The following SNAPC4 variants were observed in gnomAD, a reference collection of about 807,000 sequenced individuals.
SNAPC4 encodes the protein snRNA-activating protein complex subunit 4.
In SNAPC4, 127 loss-of-function variants were observed where a neutral mutation model predicts 151.3. That is an observed-to-expected ratio of 0.84 (90% CI 0.73 to 0.97). SNAPC4 has a LOEUF of 0.97. Ranked by LOEUF, SNAPC4 falls within the 50% of genes least tolerant of loss-of-function variation. The probability of loss-of-function intolerance (pLI) is 0.00; values close to 1 mark genes in which losing one functional copy is unlikely to be tolerated. For synonymous variants in SNAPC4, 1,002 were observed against 824.4 expected, an observed-to-expected ratio of 1.22 and a Z score of -3.69; for missense variants, 2,186 against 1,935.0, an observed-to-expected ratio of 1.13 and a Z score of -2.43.
At chr9:136,395,548 G>C in intron 4 of SNAPC4, 55 bp downstream of exon 4, 5 of 1,569,690 alleles carry the variant, frequency 3.2e-6, no homozygotes, top group South Asian at 2.3e-5. Flanking sequence ...GCCCAGCTGT[G>C]GGGGGCTCTG....
In SNAPC4 at chr9:136,380,830, G is replaced by A. The variant is rs754212446; in HGVS notation, c.2409C>T (p.Ala803=). 45 of 1,609,522 alleles carry A rather than the reference G, an allele frequency of 2.8e-5. No individual in the cohort carries two copies. Among genetic ancestry groups the A allele is most frequent in the African/African-American group, 2.5e-4 (19 of 74,860 alleles). Reference sequence around the variant, plus strand: ...TCTCTCGGACGACCTCCAAGCAGCCGGCAGTATCGATGTGGAACAGCTGCG... The same window carrying A: ...TCTCTCGGACGACCTCCAAGCAGCCAGCAGTATCGATGTGGAACAGCTGCG... The part of the protein sequence containing the change: ...LFTQLFHIDT[A]GCLEVVRERK... Residue 803 remains alanine (A), a synonymous_variant, in exon 20 of 24, where the codon GCC becomes GCT. Transcript: ENST00000684778.
At position 136,398,340 on chromosome 9, in the gene SNAPC4, A is replaced by G; in HGVS notation, c.89T>C (p.Val30Ala). The G allele has an allele frequency of 1.2e-6, 2 of 1,613,892 alleles. No homozygotes were observed. Among genetic ancestry groups the G allele is most frequent in the Non-Finnish European group, 1.7e-6 (2 of 1,179,880 alleles). The change falls in exon 2 of 24, where the codon GTG becomes GCG. Residue 30 changes from valine to alanine, a missense_variant. Coordinates refer to ENST00000684778, the MANE Select transcript of SNAPC4 (RefSeq NM_003086.4). Reference protein sequence around the residue: ...ILDPGSSGSHVEISESSLESD... With the variant: ...ILDPGSSGSHAEISESSLESD... ...CTCGAGACTTGATTCTGAGATCTCC[A>G]CGTGGGAGCCCGAGGAGCCGGGATC...
rs192986776 is a variant in SNAPC4, at chr9:136,396,991, C to T, written c.163G>A (p.Asp55Asn). The T allele has an allele frequency of 8.6e-5, 139 of 1,612,856 alleles. 1 individual carries two copies. In the East Asian group the frequency reaches 2.5e-3, roughly 29 times the overall value. ...SLPSEDLDPA[D>N]PPISEEERWG... ...CCAACAGTTACCGAGATCGGGGGAT[C>T]GGCAGGATCCAAGTCCTCAGAAGGC... The change falls in exon 3 of 24, where the codon GAT becomes AAT. Residue 55 changes from aspartate (D) to asparagine (N), a missense_variant. Physicochemically the swap from Asp to Asn is conservative, Grantham distance 23. Coordinates refer to ENST00000684778, the MANE Select transcript of SNAPC4 (RefSeq NM_003086.4).
Position 136,384,011 on chromosome 9 carries a change from G to C in SNAPC4, c.1442C>G (p.Ser481Cys). 6.2e-7 allele frequency: 1 copy of C among 1,613,750 alleles called. No individual in the cohort carries two copies. The highest frequency in any genetic ancestry group is 8.5e-7 in the Non-Finnish European group (1 of 1,179,966). The change falls in exon 15 of 24, where the codon TCT becomes TGT. Residue 481 changes from serine to cysteine, a missense_variant. Transcript: ENST00000684778. Reference sequence around the variant, plus strand: ...GGAGCCAGACCGATGGGGCAGCTCAGAAGCTATTTTTGCCCAGTGACCTGC... The same window carrying C: ...GGAGCCAGACCGATGGGGCAGCTCACAAGCTATTTTTGCCCAGTGACCTGC... ...YGVGHWAKIA[S>C]ELPHRSGSQC...
rs1305276014 is a variant in SNAPC4 at position 136,378,715 on chromosome 9, G to A, written c.3112C>T (p.Pro1038Ser). The A allele has an allele frequency of 1.3e-6, 2 of 1,500,860 alleles. No individual in the cohort carries two copies. Among genetic ancestry groups the A allele is most frequent in the Non-Finnish European group, 1.8e-6 (2 of 1,124,860 alleles). 93.0% of individuals were successfully genotyped at this position (1,500,860 alleles called of 1,614,324 possible). A position where few individuals can be genotyped will look rare whatever the true frequency, so the allele number is the denominator to read the frequency against. ...APAASRKQGL[P>S]EAPPFLPAAP... ...GCGGGGAGAAAGGGTGGCGCCTCAG[G>A]CAGGCCCTGCTTCCGGGATGCAGCG... is the stretch of plus-strand genomic sequence containing the variant. The change falls in exon 22 of 24, where the codon CCT (proline) becomes TCT (serine). Residue 1038 changes from proline to serine, a missense_variant. Pro to Ser is a moderately conservative substitution (Grantham distance 74, BLOSUM62 -1). Coordinates refer to ENST00000684778, the MANE Select transcript of SNAPC4 (RefSeq NM_003086.4).
rs370501966 is a variant in SNAPC4 at position 136,380,898 on chromosome 9, C to A, written c.2389-48G>T. The stretch of plus-strand genomic sequence containing the variant: ...TAACCATAGCTGCTTTCGGGAGCAG[C>A]TCCGAAGCTCCAGAGGCCTAGGCAG... On this transcript the variant is annotated intron_variant, in intron 19 of 23. Coordinates refer to ENST00000684778, the MANE Select transcript of SNAPC4 (RefSeq NM_003086.4). The A allele has an allele frequency of 4.4e-5, 51 of 1,150,250 alleles. No individual in the cohort carries two copies. The African/African-American group carries it at 6.8e-4, about 15-fold the overall frequency. The allele number at this position is 1,150,250 out of a possible 1,614,324, so 71.3% of individuals were successfully genotyped here.
chr9:136,376,266 A>G, intron 23 of SNAPC4, 83 bp downstream of exon 23: 1 of 1,525,826 alleles, frequency 6.6e-7, no homozygotes, highest in Admixed American at 1.7e-5. Context: ...CAAAGAGCCG[A>G]GCAGAGGCCA....
chr9:136,383,095 GC>G lies in SNAPC4; in HGVS notation c.1983+90del. 1 of 1,465,770 alleles carries G rather than the reference GC, an allele frequency of 6.8e-7. No individual in the cohort carries two copies. The allele number at this position is 1,465,770 out of a possible 1,614,324, so 90.8% of individuals were successfully genotyped here. On this transcript the variant is annotated intron_variant, in intron 16 of 23. Coordinates refer to ENST00000684778, the MANE Select transcript of SNAPC4 (RefSeq NM_003086.4). This position sits in a 1 kb window ranked among gnomAD's most constrained non-coding sequence, Gnocchi z 4.2. ...CGTTCTGATGCACACGAACCCTGGG[GC>G]CCCTGCTGCTGCACTATCCCCAAGC...
rs780302363 is a variant in SNAPC4 at position 136,378,781 on chromosome 9, C to A, written c.3046G>T (p.Val1016Leu). 2 of 1,551,118 alleles carry A rather than the reference C, an allele frequency of 1.3e-6. No homozygotes were observed. Among genetic ancestry groups the A allele is most frequent in the African/African-American group, 1.4e-5 (1 of 73,332 alleles). ...APALGPGQIS[V>L]SCPESGLGQS... ...CCGAGACCACTCTCGGGGCAGCTCA[C>A]AGAGATCTGGCCGGGGCCCAGGGCA... The change falls in exon 22 of 24, where the codon GTG (valine) becomes TTG (leucine). Residue 1016 changes from valine to leucine, a missense_variant. Transcript: ENST00000684778.
intron 22 of SNAPC4, among the ~76,000 whole-genome samples, 165 bp downstream of exon 22, chr9:136,377,378 C>T (rs1017610576): frequency 3.3e-5 from 5 of 152,226 alleles, no homozygotes; most frequent in African/African-American, 4.8e-5. Flanking sequence ...AGAATCTACA[C>T]GCAACTGGGC....
chr9:136,383,576 ACTGCTGCCACTG>A lies in SNAPC4; in HGVS notation c.1581_1592del (p.Ser528_Ser531del), dbSNP rs776236773. Reference sequence around the variant, plus strand: ...TGCTGCTGCTGCTGCTGCTCCCTCCACTGCTGCCACTGCTGCTGCCGCTGCTGCTGGTAGAGC... The same window carrying A: ...TGCTGCTGCTGCTGCTGCTCCCTCCACTGCTGCCGCTGCTGCTGGTAGAGC... On this transcript the variant is annotated inframe_deletion, in exon 16 of 24. Transcript: ENST00000684778. The surrounding 1 kb of genome is among the most constrained non-coding windows in gnomAD (Gnocchi z 4.2). 193 of 1,604,872 alleles carry A rather than the reference ACTGCTGCCACTG, an allele frequency of 1.2e-4. No individual in the cohort carries two copies. Among genetic ancestry groups the A allele is most frequent in the Non-Finnish European group, 1.6e-4 (184 of 1,175,248 alleles).
At position 136,383,487 on chromosome 9, in the gene SNAPC4, G is replaced by T; in HGVS notation, c.1682C>A (p.Ser561Tyr). ...CATGTCCGGGACCATGTACTGTGGGGACAGCAGCGCTCTGTCACCCTCCCC... is the reference window on the plus strand; with the variant it reads ...CATGTCCGGGACCATGTACTGTGGGTACAGCAGCGCTCTGTCACCCTCCCC... The part of the protein sequence containing the change: ...QAGEGDRALL[S>Y]PQYMVPDMDL... The change falls in exon 16 of 24, where the codon TCC becomes TAC. Residue 561 changes from serine to tyrosine, a missense_variant. Physicochemically the swap from Ser to Tyr is moderately radical, Grantham distance 144. Transcript: ENST00000684778. The surrounding 1 kb of genome is among the most constrained non-coding windows in gnomAD (Gnocchi z 4.2). 3 of 1,568,716 alleles carry T rather than the reference G, an allele frequency of 1.9e-6. No homozygotes were observed. Among genetic ancestry groups the T allele is most frequent in the Non-Finnish European group, 2.6e-6 (3 of 1,157,252 alleles).
Position 136,397,059 on chromosome 9 carries a change from A to G in SNAPC4, c.131-36T>C, listed in dbSNP as rs757447166. 4 of 1,600,960 alleles carry G rather than the reference A, an allele frequency of 2.5e-6. No individual in the cohort carries two copies. In the South Asian group the frequency reaches 4.4e-5, roughly 18 times the overall value. On this transcript the variant is annotated intron_variant, in intron 2 of 23. Coordinates refer to ENST00000684778, the MANE Select transcript of SNAPC4 (RefSeq NM_003086.4). ...CACAAGCAACACCGTGTTGGTAACCAGCGTCTTGGGCAGGGTGGGGGCGCA... is the reference window on the plus strand; with the variant it reads ...CACAAGCAACACCGTGTTGGTAACCGGCGTCTTGGGCAGGGTGGGGGCGCA...
chr9:136,388,053 A>C (rs1833949350), intron 11 of SNAPC4, among the ~76,000 whole-genome samples: 1 of 152,202 alleles, frequency 6.6e-6, no homozygotes, highest in African/African-American at 2.4e-5. Flanking sequence ...GGATCACCTA[A>C]GGTCAGGAGT....
At position 136,391,950 on chromosome 9, in the gene SNAPC4, C is replaced by A. The variant is rs1404218492; in HGVS notation, c.967G>T (p.Glu323Ter). 6.2e-7 allele frequency: 1 copy of A among 1,602,810 alleles called. No individual in the cohort carries two copies. The highest frequency in any genetic ancestry group is 8.5e-7 in the Non-Finnish European group (1 of 1,179,928). Residue 323 changes from glutamate (E) to a stop codon, truncating the protein, a stop_gained, in exon 10 of 24, where the codon GAG (glutamate) becomes TAG (stop). Transcript: ENST00000684778. LOFTEE classifies it high-confidence loss of function. ...GHLEWQKIAE[E>*]LGTSRSAFQC... is the part of the protein sequence containing the mutation. ...CCAGGCCAGGCCCTTACCCCCAGCT[C>A]CTCTGCAATCTTCTGCCACTCCAGG...
intron 10 of SNAPC4, 104 bp from the exon 11 acceptor site, chr9:136,388,695 G>T: frequency 2.9e-6 from 4 of 1,402,190 alleles, no homozygotes; most frequent in Non-Finnish European, 4.0e-6. Context: ...AGCCACTGGG[G>T]TGACCCTTCT....
intron 21 of SNAPC4, 47 bp downstream of exon 21, chr9:136,379,790 G>A: frequency 1.3e-6 from 2 of 1,595,462 alleles, no homozygotes; most frequent in Middle Eastern, 3.3e-4. Context: ...TTCCCCGCCA[G>A]GGCCAGGTTA....
intron 13 of SNAPC4, among the ~76,000 whole-genome samples, chr9:136,386,454 G>A (rs953843178): frequency 2.0e-5 from 1 of 49,282 alleles, no homozygotes; most frequent in African/African-American, 8.2e-5. Flanking sequence ...TTTTTTTTTT[G>A]AGACGGAGTT....
At chr9:136,399,493 TC>T (rs1834381875) in intron 1 of SNAPC4, among the ~76,000 whole-genome samples, 1 of 151,910 alleles carries the variant, frequency 6.6e-6, no homozygotes, top group Non-Finnish European at 1.5e-5. Context: ...GGCTGCTGCC[TC>T]CCCCTCCCCG....
Sources: allele counts gnomAD v4.1 joint callset (sites outside exome capture counted in the v4.1 genomes callset), GRCh38; gene constraint gnomAD v4.1.1; non-coding constraint Gnocchi (gnomAD v3.1); transcripts MANE v1.5; gene names NCBI Gene and HGNC (gene_info 2026-07-23, HGNC 2026-07-21).